The following WNK1 variants were observed in gnomAD, a reference collection of about 807,000 sequenced individuals.
WNK1 encodes WNK lysine deficient protein kinase 1, also known as serine/threonine-protein kinase WNK1.
Under a neutral mutation model 222.8 loss-of-function variants are expected in WNK1, and 38 were observed. That is an observed-to-expected ratio of 0.17 (90% confidence interval 0.13 to 0.22). WNK1 has a LOEUF of 0.22. WNK1 is among the 10% of genes least tolerant of loss of function. WNK1 has a pLI of 1.00. For synonymous variants in WNK1, 1,090 were observed against 1,092.9 expected, an observed-to-expected ratio of 1.00 and a Z score of 0.05; for missense variants, 2,348 against 2,918.4, an observed-to-expected ratio of 0.80 and a Z score of 4.50.
chr12:800,954 G>A (rs1260021962), intron 1 of WNK1, among the ~76,000 whole-genome samples: 1 of 152,112 alleles, frequency 6.6e-6, no homozygotes, highest in Non-Finnish European at 1.5e-5. Context: ...AAAATCTCAT[G>A]TCTCATTTCT....
At position 859,693 on chromosome 12, in the gene WNK1, C is replaced by G. The variant is rs1403946400; in HGVS notation, c.1620+229C>G. On this transcript the variant is annotated intron_variant, in intron 6 of 27. Transcript: ENST00000315939. ...ATAATGGGTGTTAGATTTTATAGTC[C>G]TTTTTAAAAGTAAATTTTTTTTTTT... is the stretch of plus-strand genomic sequence containing the variant. Among the ~76,000 whole-genome samples, 3 of 145,320 alleles carry G rather than the reference C, an allele frequency of 2.1e-5. No individual in the cohort carries two copies. In the East Asian group the frequency reaches 6.1e-4, roughly 30 times the overall value.
chr12:758,712 G>A (rs1318408244), intron 1 of WNK1, among the ~76,000 whole-genome samples: 1 of 146,790 alleles, frequency 6.8e-6, no homozygotes, highest in African/African-American at 2.4e-5. Context: ...TTATTTTTTA[G>A]GATGAGAATC....
At chr12:760,932 C>T (rs757633535) in intron 1 of WNK1, among the ~76,000 whole-genome samples, 8 of 136,824 alleles carry the variant, frequency 5.8e-5, no homozygotes, top group Admixed American at 5.2e-4. Flanking sequence ...CACAACCACA[C>T]CCGGCTAATT....
At chr12:844,008 G>A (rs1287419812) in intron 4 of WNK1, among the ~76,000 whole-genome samples, 1 of 152,044 alleles carries the variant, frequency 6.6e-6, no homozygotes, top group Non-Finnish European at 1.5e-5. Context: ...AGTCATTCAT[G>A]TAAACTTTTA....
chr12:894,392 C>T (rs1338494976), intron 22 of WNK1, among the ~76,000 whole-genome samples, 170 bp from the exon 23 acceptor site: 2 of 152,110 alleles, frequency 1.3e-5, no homozygotes, highest in African/African-American at 4.8e-5. Context: ...AACAATAACT[C>T]TTTTCCCCTG....
intron 22 of WNK1, among the ~76,000 whole-genome samples, chr12:894,205 G>A (rs979520651): frequency 2.6e-5 from 4 of 152,166 alleles, no homozygotes; most frequent in South Asian, 4.1e-4. Context: ...CCAACAGAGC[G>A]AAACTCCATC....
chr12:822,740 A>C (rs2369491), intron 2 of WNK1, among the ~76,000 whole-genome samples: 107,506 of 152,060 alleles, frequency 0.71, 38,658 homozygotes, highest in East Asian at 0.87. Context: ...GTTTTATAAT[A>C]ATTATTTTAC....
chr12:768,349 T>G (rs1229859515), intron 1 of WNK1, among the ~76,000 whole-genome samples: 1 of 152,152 alleles, frequency 6.6e-6, no homozygotes, highest in Non-Finnish European at 1.5e-5. Context: ...TTGGCCAGGC[T>G]GGCCTAGAAC....
At chr12:806,925 T>A (rs1280460250) in intron 1 of WNK1, among the ~76,000 whole-genome samples, 1 of 152,242 alleles carries the variant, frequency 6.6e-6, no homozygotes, top group East Asian at 1.9e-4. Flanking sequence ...AGTTGCAGGT[T>A]GCATTTGTTG....
rs72648611 is a variant in WNK1 at position 813,910 on chromosome 12, C to A, written c.932+96C>A. ...ACCAGTTTCACTTTGGTTGTTCAGC[C>A]TAAGAAGGGAACAGTCCTTCCAACT... On this transcript the variant is annotated intron_variant, in intron 2 of 27. Transcript: ENST00000315939. 165 of 1,326,894 alleles carry A rather than the reference C, an allele frequency of 1.2e-4. No individual in the cohort carries two copies. The Middle Eastern group carries it at 1.7e-3, about 14-fold the overall frequency. 82.2% of individuals were successfully genotyped at this position (1,326,894 alleles called of 1,614,324 possible). A position where few individuals can be genotyped will look rare whatever the true frequency, so the allele number is the denominator to read the frequency against.
chr12:818,958 G>A (rs889176639), intron 2 of WNK1, among the ~76,000 whole-genome samples: 2 of 152,096 alleles, frequency 1.3e-5, no homozygotes, highest in African/African-American at 2.4e-5. Flanking sequence ...TTGAGTACCT[G>A]TTTTCATTTC....
chr12:773,698 G>A (rs1026890622), intron 1 of WNK1, among the ~76,000 whole-genome samples: 29 of 152,088 alleles, frequency 1.9e-4, no homozygotes, highest in Non-Finnish European at 4.3e-4. Context: ...GTAGCAAATA[G>A]AGAAAAAAAT....
At chr12:865,183 C>T in intron 8 of WNK1, 1 of 1,487,084 alleles carries the variant, frequency 6.7e-7, no homozygotes, top group Non-Finnish European at 8.9e-7. Context: ...GCATCTCTCC[C>T]AGTGCTCTTC....
At chr12:757,857 G>A (rs7975272) in intron 1 of WNK1, among the ~76,000 whole-genome samples, 83,562 of 144,940 alleles carry the variant, frequency 0.58, 27,862 homozygotes, top group East Asian at 0.87. Flanking sequence ...CCAACATGGC[G>A]AAACCCCATC....
chr12:849,762 C>G (rs1476276123), intron 4 of WNK1, among the ~76,000 whole-genome samples: 4 of 151,992 alleles, frequency 2.6e-5, no homozygotes, highest in Non-Finnish European at 5.9e-5. Flanking sequence ...GTTCCTCTTC[C>G]TGTGTCCATG....
At chr12:891,659 A>G (rs1038427746) in intron 22 of WNK1, among the ~76,000 whole-genome samples, 2 of 144,702 alleles carry the variant, frequency 1.4e-5, no homozygotes, top group African/African-American at 5.2e-5. Context: ...TGAGAATTGC[A>G]TAGTATTAAG....
chr12:789,933 G>A (rs915937910), intron 1 of WNK1, among the ~76,000 whole-genome samples: 5 of 152,216 alleles, frequency 3.3e-5, no homozygotes, highest in East Asian at 3.8e-4. Context: ...ACTGGTCAGA[G>A]TTGTGGGTCA....
chr12:771,645 G>T lies in WNK1; in HGVS notation c.759+17321G>T, dbSNP rs145317844. 9.2e-5 allele frequency among the ~76,000 whole-genome samples: 14 copies of T among 152,060 alleles called. No homozygotes were observed. The East Asian group carries it at 2.7e-3, about 29-fold the overall frequency. On this transcript the variant is annotated intron_variant, in intron 1 of 27. Coordinates refer to ENST00000315939, the MANE Select transcript of WNK1 (RefSeq NM_018979.4). ...AGACACGGTTTCACCATATTGGCCC[G>T]GTTGATCTCGAACTCCTGACCTCAG...
chr12:778,473 C>T (rs1255991898), intron 1 of WNK1, among the ~76,000 whole-genome samples: 1 of 151,990 alleles, frequency 6.6e-6, no homozygotes, highest in Non-Finnish European at 1.5e-5. Context: ...GCTGGGATTA[C>T]AGGCATGCCA....
Sources: allele counts gnomAD v4.1 joint callset (sites outside exome capture counted in the v4.1 genomes callset), GRCh38; gene constraint gnomAD v4.1.1; transcripts MANE v1.5; gene names NCBI Gene and HGNC (gene_info 2026-07-23, HGNC 2026-07-21).